Variants in CA5A observed in about 807,000 individuals in gnomAD.
CA5A encodes the protein carbonic anhydrase 5A.
A neutral mutation model predicts 37.1 loss-of-function variants in CA5A; 28 were observed. The observed-to-expected ratio is 0.75, with a 90% CI of 0.56 to 1.03. The LOEUF is 1.03. CA5A is among the 50% of genes least tolerant of loss of function. The probability of loss-of-function intolerance (pLI) is 0.00; values close to 1 mark genes in which losing one functional copy is unlikely to be tolerated. For missense variants in CA5A, 444 were observed against 399.9 expected (o/e 1.11, Z -0.94); for synonymous variants, 171 against 158.4 (o/e 1.08, Z -0.60).
chr16:87,919,211 G>T (rs2056196685), intron 2 of CA5A, among the ~76,000 whole-genome samples: 1 of 152,228 alleles, frequency 6.6e-6, no homozygotes, highest in Non-Finnish European at 1.5e-5. Flanking sequence ...GAGCAACCGA[G>T]TCAGGGAGGG....
exon 5 of CA5A, chr16:87,881,918 G>A (rs2055610803): frequency 6.6e-6 from 1 of 152,246 alleles, no homozygotes; most frequent in Non-Finnish European, 1.5e-5. Context: ...AGACAAAGAT[G>A]TTGGTGGGTG....
intron 2 of CA5A, among the ~76,000 whole-genome samples, chr16:87,916,009 T>C (rs1249207900): frequency 6.6e-6 from 1 of 151,710 alleles, no homozygotes; most frequent in East Asian, 1.9e-4. Context: ...AGGCAGGTCT[T>C]GCATGGGGGC....
chr16:87,916,163 G>A (rs529227357), intron 2 of CA5A, among the ~76,000 whole-genome samples: 28 of 123,712 alleles, frequency 2.3e-4, no homozygotes, highest in African/African-American at 8.6e-4. Context: ...GCAAGACTCC[G>A]TCTCAAAAAA....
chr16:87,918,129 C>G (rs1414795513), intron 2 of CA5A, among the ~76,000 whole-genome samples: 1 of 152,214 alleles, frequency 6.6e-6, no homozygotes. Context: ...TGGCAGGCAC[C>G]CCCCAATTCC....
rs4335777 is a variant in CA5A, at chr16:87,914,732, G to C, written c.341-9828C>G. Among the ~76,000 whole-genome samples, 4 of 152,294 alleles carry C rather than the reference G, an allele frequency of 2.6e-5. No individual in the cohort carries two copies. In the South Asian group the frequency reaches 8.3e-4, roughly 32 times the overall value. On this transcript the variant is annotated intron_variant, in intron 2 of 6. Transcript: ENST00000649794. ...GGCGGGCGCAGGGCGGGAGCACCGG[G>C]CAGTCCACAAGGTGGTCAGGACCTC...
intron 6 of CA5A, among the ~76,000 whole-genome samples, chr16:87,891,445 G>C (rs1292329248): frequency 6.6e-6 from 1 of 151,154 alleles, no homozygotes. Context: ...TCCAGCCTGG[G>C]CGATAGAACG....
chr16:87,898,716 T>G (rs1264072090), intron 5 of CA5A, among the ~76,000 whole-genome samples: 2 of 150,556 alleles, frequency 1.3e-5, no homozygotes, highest in Non-Finnish European at 2.9e-5. Context: ...GTGAGAATGC[T>G]GCTCTAGTGT....
intron 2 of CA5A, among the ~76,000 whole-genome samples, chr16:87,922,492 G>A (rs2056244510): frequency 6.6e-6 from 1 of 152,252 alleles, no homozygotes; most frequent in South Asian, 2.1e-4. Flanking sequence ...GCTGCCATGA[G>A]CTGAACAGAA....
intron 3 of CA5A, among the ~76,000 whole-genome samples, chr16:87,903,037 G>C (rs188820943): frequency 3.0e-5 from 4 of 134,464 alleles, no homozygotes; most frequent in Admixed American, 6.9e-5. Context: ...TCTTCCTGGT[G>C]GGGGGGGAAA....
intron 2 of CA5A, among the ~76,000 whole-genome samples, 196 bp downstream of exon 2, chr16:87,926,552 C>G (rs2056313807): frequency 6.6e-6 from 1 of 152,244 alleles, no homozygotes; most frequent in African/African-American, 2.4e-5. Context: ...AAAGTGAGCA[C>G]CAGGCTCCTG....
At chr16:87,909,320 G>A (rs1457552362) in intron 2 of CA5A, among the ~76,000 whole-genome samples, 1 of 152,164 alleles carries the variant, frequency 6.6e-6, no homozygotes, top group Non-Finnish European at 1.5e-5. Flanking sequence ...CAAGGGACTT[G>A]CTTGAAACGG....
chr16:87,888,813 C>A (rs1159597042), intron 6 of CA5A, among the ~76,000 whole-genome samples: 1 of 152,108 alleles, frequency 6.6e-6, no homozygotes, highest in African/African-American at 2.4e-5. Flanking sequence ...GTGTCATTGG[C>A]GAGATCTCAG....
At chr16:87,886,127 T>C (rs2055645622), downstream of CA5A, 2 of 150,888 alleles carry the variant, frequency 1.3e-5, no homozygotes, top group African/African-American at 2.4e-5. Flanking sequence ...AGACCCAACA[T>C]TGAGTTCTGG....
chr16:87,926,005 C>T (rs1202051471), intron 2 of CA5A, among the ~76,000 whole-genome samples: 1 of 152,174 alleles, frequency 6.6e-6, no homozygotes, highest in Non-Finnish European at 1.5e-5. Context: ...GGCAGATCAC[C>T]TGATGTCAGG....
downstream of CA5A, chr16:87,883,162 A>C (rs1445855420): frequency 6.6e-6 from 1 of 152,122 alleles, no homozygotes; most frequent in Non-Finnish European, 1.5e-5. Flanking sequence ...CTGGGATTAT[A>C]GGTGCGTGCC....
chr16:87,928,404 T>A (rs2056344376), intron 1 of CA5A, among the ~76,000 whole-genome samples: 1 of 152,164 alleles, frequency 6.6e-6, no homozygotes, highest in Non-Finnish European at 1.5e-5. Flanking sequence ...CCTCAAGTGA[T>A]TCTCCTGCCT....
chr16:87,901,688 A>G (rs976084593), intron 5 of CA5A, among the ~76,000 whole-genome samples: 1 of 151,876 alleles, frequency 6.6e-6, no homozygotes, highest in Non-Finnish European at 1.5e-5. Flanking sequence ...TCTGGGTTCA[A>G]ACGATTCTCC....
chr16:87,931,138 G>A (rs1317414509), intron 1 of CA5A, among the ~76,000 whole-genome samples: 1 of 146,480 alleles, frequency 6.8e-6, no homozygotes, highest in Admixed American at 6.8e-5. Context: ...TTGAGATTGA[G>A]TCTCACTCTG....
At chr16:87,892,085 C>T (rs2055725099) in intron 5 of CA5A, 131 bp from the exon 6 acceptor site, 3 of 741,248 alleles carry the variant, frequency 4.0e-6, no homozygotes. Context: ...CATGAGGCCA[C>T]TGCTGTCACA....
Sources: allele counts gnomAD v4.1 joint callset (sites outside exome capture counted in the v4.1 genomes callset), GRCh38; gene constraint gnomAD v4.1.1; transcripts MANE v1.5; gene names NCBI Gene and HGNC (gene_info 2026-07-23, HGNC 2026-07-21).